AAK1: variants seen among roughly 807,000 people sequenced by gnomAD.
AAK1 encodes the protein AP2-associated protein kinase 1.
A neutral mutation model predicts 116.0 loss-of-function variants in AAK1; 37 were observed. The observed-to-expected ratio is 0.32, with a 90% CI of 0.25 to 0.42. AAK1 has a LOEUF of 0.42. Among genes scored for constraint, AAK1 ranks in the 10% least tolerant of loss-of-function variants. The pLI is 1.00. For missense variants in AAK1, 919 were observed against 1,170.6 expected, an observed-to-expected ratio of 0.79 and a Z score of 3.14; for synonymous variants, 458 against 439.9, an observed-to-expected ratio of 1.04 and a Z score of -0.51.
chr2:69,482,663 AG>A, intron 18 of AAK1, 47 bp downstream of exon 18: 1 of 1,457,176 alleles, frequency 6.9e-7, no homozygotes, highest in South Asian at 1.2e-5. Flanking sequence ...TTCTTGAAAC[AG>A]GCACACATAT....
At chr2:69,486,600 A>C (rs1675311088) in intron 17 of AAK1, among the ~76,000 whole-genome samples, 1 of 152,170 alleles carries the variant, frequency 6.6e-6, no homozygotes, top group South Asian at 2.1e-4. Flanking sequence ...TCTCACAGGG[A>C]AGGAAGGCTC....
rs753906685 is a variant in AAK1, at chr2:69,482,697, G to C, written c.2467+14C>G. The C allele has an allele frequency of 6.3e-7, 1 of 1,577,130 alleles. No individual in the cohort carries two copies. The highest frequency in any genetic ancestry group is 8.7e-7 in the Non-Finnish European group (1 of 1,146,604). On this transcript the variant is annotated intron_variant, in intron 18 of 21. Coordinates refer to ENST00000409085, the MANE Select transcript of AAK1 (RefSeq NM_014911.5). ...TATCATGCATGACTGAAGAAACAGA[G>C]ATGATGACTTTACCAATTACAGCAT...
At chr2:69,537,779 C>G (rs558599559) in intron 5 of AAK1, among the ~76,000 whole-genome samples, 139 of 152,196 alleles carry the variant, frequency 9.1e-4, no homozygotes, top group Admixed American at 1.4e-3. Context: ...TACTAGCAGA[C>G]AGCAATAAAA....
intron 12 of AAK1, 87 bp from the exon 13 acceptor site, chr2:69,514,836 T>C: frequency 7.0e-7 from 1 of 1,418,612 alleles, no homozygotes; most frequent in Non-Finnish European, 9.3e-7. Flanking sequence ...TGAAGACCAG[T>C]GCTAAAGCCA....
intron 2 of AAK1, among the ~76,000 whole-genome samples, chr2:69,571,303 G>T (rs1419454938): frequency 6.6e-6 from 1 of 152,180 alleles, no homozygotes; most frequent in Non-Finnish European, 1.5e-5. Context: ...TAATCAAATG[G>T]TGCTACACAA....
chr2:69,619,809 CT>C (rs943663719), intron 2 of AAK1, among the ~76,000 whole-genome samples: 6 of 152,118 alleles, frequency 3.9e-5, no homozygotes, highest in Non-Finnish European at 5.9e-5. Context: ...AGGTGCGAAT[CT>C]GCCCTGCTTT....
Position 69,467,607 on chromosome 2 carries a change from G to A in AAK1, c.*8262C>T. On this transcript the variant is annotated 3_prime_UTR_variant, in exon 22 of 22. Coordinates refer to ENST00000409085, the MANE Select transcript of AAK1 (RefSeq NM_014911.5). ...CCAACCCACCAGGATAAGAATATTA[G>A]ATACAATGATTTGGAGCCATAGATG... 1.0e-6 allele frequency: 1 copy of A among 985,314 alleles called. No individual in the cohort carries two copies. The highest frequency in any genetic ancestry group is 1.2e-6 in the Non-Finnish European group (1 of 829,862). The allele number at this position is 985,314 out of a possible 1,614,324, so 61.0% of individuals were successfully genotyped here. A position where few individuals can be genotyped will look rare whatever the true frequency, so the allele number is the denominator to read the frequency against.
At chr2:69,511,998 A>T (rs538097582) in intron 13 of AAK1, among the ~76,000 whole-genome samples, 1 of 152,248 alleles carries the variant, frequency 6.6e-6, no homozygotes, top group African/African-American at 2.4e-5. Flanking sequence ...GAAAATGCAG[A>T]TTTCAACTCC....
intron 2 of AAK1, among the ~76,000 whole-genome samples, chr2:69,592,231 T>C (rs1038998341): frequency 2.0e-5 from 3 of 152,202 alleles, no homozygotes; most frequent in Non-Finnish European, 4.4e-5. Flanking sequence ...GTGTTTCTTA[T>C]TGGGTACTGC....
chr2:69,497,295 C>CTTTTTTTTTTTTTT (rs1176401016), intron 16 of AAK1, among the ~76,000 whole-genome samples: 2 of 76,086 alleles, frequency 2.6e-5, no homozygotes, highest in African/African-American at 6.4e-5. Flanking sequence ...CATTATCATT[C>CTTTTTTTTTTTTTT]TTTTTTTTTT....
intron 8 of AAK1, among the ~76,000 whole-genome samples, chr2:69,529,430 T>C (rs571473358): frequency 2.0e-5 from 3 of 152,310 alleles, no homozygotes; most frequent in African/African-American, 7.2e-5. Context: ...TTACTTATTC[T>C]ACCATCTGGT....
At chr2:69,611,545 T>A (rs933035488) in intron 2 of AAK1, among the ~76,000 whole-genome samples, 1 of 152,226 alleles carries the variant, frequency 6.6e-6, no homozygotes. Context: ...TGGCCTATCA[T>A]GGGACTTTGC....
chr2:69,522,369 G>A lies in AAK1; in HGVS notation c.1056-1381C>T, dbSNP rs1250304375. On this transcript the variant is annotated intron_variant, in intron 10 of 21. Coordinates refer to ENST00000409085, the MANE Select transcript of AAK1 (RefSeq NM_014911.5). ...ATCCTGGGCCCAGAAACTTTGCACT[G>A]GCAACCTGTTAGAGGGATGCTCTTG... Among the ~76,000 whole-genome samples the A allele has an allele frequency of 2.6e-5, 4 of 152,286 alleles. No individual in the cohort carries two copies. The East Asian group carries it at 7.7e-4, about 29-fold the overall frequency.
At chr2:69,620,904 C>T (rs1674589148) in intron 2 of AAK1, among the ~76,000 whole-genome samples, 1 of 152,188 alleles carries the variant, frequency 6.6e-6, no homozygotes, top group Admixed American at 6.5e-5. Context: ...ACTTAACTTC[C>T]CTAGATATCT....
Position 69,473,485 on chromosome 2 carries a change from C to A in AAK1, c.*2384G>T, listed in dbSNP as rs1674748188. 1 of 985,410 alleles carries A rather than the reference C, an allele frequency of 1.0e-6. No homozygotes were observed. The highest frequency in any genetic ancestry group is 4.7e-5 in the South Asian group (1 of 21,284). 61.0% of individuals were successfully genotyped at this position (985,410 alleles called of 1,614,324 possible). Reference sequence around the variant, plus strand: ...TTGAGGAGGCCTTACTCTAAATAAGCCCAAGACAATTTCTTGTCATTATCT... The same window carrying A: ...TTGAGGAGGCCTTACTCTAAATAAGACCAAGACAATTTCTTGTCATTATCT... On this transcript the variant is annotated 3_prime_UTR_variant, in exon 22 of 22. Coordinates refer to ENST00000409085, the MANE Select transcript of AAK1 (RefSeq NM_014911.5).
At chr2:69,625,306 AAC>A (rs979818132) in intron 2 of AAK1, among the ~76,000 whole-genome samples, 2 of 152,184 alleles carry the variant, frequency 1.3e-5, no homozygotes, top group African/African-American at 4.8e-5. Flanking sequence ...AAGGACAGCT[AAC>A]AGTCTCATAA....
At chr2:69,477,034 G>T in intron 20 of AAK1, 44 bp from the exon 21 acceptor site, 1 of 1,346,328 alleles carries the variant, frequency 7.4e-7, no homozygotes, top group Non-Finnish European at 1.0e-6. Context: ...AACAGAGGCA[G>T]AGATTAGCAA....
chr2:69,576,378 G>T (rs1002134746), intron 2 of AAK1, among the ~76,000 whole-genome samples: 3 of 151,774 alleles, frequency 2.0e-5, no homozygotes, highest in Non-Finnish European at 4.4e-5. Flanking sequence ...ACATGTGAAG[G>T]TTTATTAATT....
Position 69,643,685 on chromosome 2 carries a change from C to A in AAK1, c.-345G>T. ...GCGGCGCTGCAGCGAGAGCCGGGGC[C>A]GCGCTCGGCTCCCGCCCGCCCGCCA... On this transcript the variant is annotated 5_prime_UTR_variant, in exon 1 of 22. Transcript: ENST00000409085. 1 of 1,221,952 alleles carries A rather than the reference C, an allele frequency of 8.2e-7. No homozygotes were observed. The highest frequency in any genetic ancestry group is 1.0e-6 in the Non-Finnish European group (1 of 981,712). 75.7% of individuals were successfully genotyped at this position (1,221,952 alleles called of 1,614,324 possible). A position where few individuals can be genotyped will look rare whatever the true frequency, so the allele number is the denominator to read the frequency against.
Sources: allele counts gnomAD v4.1 joint callset (sites outside exome capture counted in the v4.1 genomes callset), GRCh38; gene constraint gnomAD v4.1.1; transcripts MANE v1.5; gene names NCBI Gene and HGNC (gene_info 2026-07-23, HGNC 2026-07-21).